The following SRGAP1 variants were observed in gnomAD, a reference collection of about 807,000 sequenced individuals.
The protein encoded by SRGAP1 is SLIT-ROBO Rho GTPase activating protein 1.
SRGAP1 carries 43 observed loss-of-function variants against 121.9 expected under a neutral mutation model. That is an observed-to-expected ratio of 0.35 (90% confidence interval 0.28 to 0.46). The LOEUF is 0.46. SRGAP1 is among the 20% of genes least tolerant of loss of function. The probability of loss-of-function intolerance (pLI) is 1.00; values close to 1 mark genes in which losing one functional copy is unlikely to be tolerated. For synonymous variants in SRGAP1, 447 were observed against 485.4 expected, an observed-to-expected ratio of 0.92 and a Z score of 1.04; for missense variants, 1,102 against 1,350.9, an observed-to-expected ratio of 0.82 and a Z score of 2.89.
intron 1 of SRGAP1, among the ~76,000 whole-genome samples, chr12:63,907,445 G>A (rs1253598652): frequency 6.6e-6 from 1 of 152,076 alleles, no homozygotes; most frequent in Admixed American, 6.5e-5. Flanking sequence ...GGCTGAGGCA[G>A]GGGAATCGCT....
chr12:63,928,753 C>T (rs1473391164), intron 1 of SRGAP1, among the ~76,000 whole-genome samples: 3 of 151,924 alleles, frequency 2.0e-5, no homozygotes, highest in Non-Finnish European at 2.9e-5. Context: ...GTGGGAGCCC[C>T]GAGCTTGTTT....
At chr12:64,012,551 C>CTTTTTTTTTTTTTTTTTTT (rs386376760) in intron 3 of SRGAP1, among the ~76,000 whole-genome samples, 1 of 77,662 alleles carries the variant, frequency 1.3e-5, no homozygotes, top group Non-Finnish European at 2.3e-5. Context: ...AAGTTATTAT[C>CTTTTTTTTTTTTTTTTTTT]TTTTTTTTTT....
At chr12:63,939,504 G>A (rs919945680) in intron 1 of SRGAP1, among the ~76,000 whole-genome samples, 1 of 151,972 alleles carries the variant, frequency 6.6e-6, no homozygotes, top group African/African-American at 2.4e-5. Flanking sequence ...AAAGAAAGGA[G>A]GAGAAAAAAA....
At chr12:64,041,929 C>A (rs376728007) in intron 4 of SRGAP1, among the ~76,000 whole-genome samples, 48 of 130,140 alleles carry the variant, frequency 3.7e-4, no homozygotes, top group African/African-American at 1.3e-3. Context: ...GATGGAGTCT[C>A]ACTTTGTCAC....
chr12:64,103,306 G>A (rs1452285287), intron 15 of SRGAP1, among the ~76,000 whole-genome samples: 8 of 152,092 alleles, frequency 5.3e-5, no homozygotes, highest in East Asian at 3.9e-4. Flanking sequence ...ATTATGCCAC[G>A]CCATACTGGC....
At chr12:64,116,887 G>T (rs895718386) in intron 18 of SRGAP1, among the ~76,000 whole-genome samples, 5 of 152,208 alleles carry the variant, frequency 3.3e-5, no homozygotes, top group African/African-American at 1.2e-4. Context: ...GAAGCATCAG[G>T]AGGCAGAGGG....
chr12:63,939,592 C>T (rs150300701), intron 1 of SRGAP1, among the ~76,000 whole-genome samples: 3 of 152,166 alleles, frequency 2.0e-5, no homozygotes, highest in African/African-American at 7.2e-5. Context: ...TGAGTGGGCC[C>T]CTGGCTTCCT....
intron 1 of SRGAP1, among the ~76,000 whole-genome samples, chr12:63,874,613 A>G (rs995043108): frequency 3.9e-5 from 6 of 152,158 alleles, no homozygotes; most frequent in African/African-American, 1.2e-4. Context: ...ATATATTACA[A>G]TTATTATTTC....
chr12:64,138,469 T>G (rs1349246810), intron 21 of SRGAP1, among the ~76,000 whole-genome samples: 1 of 113,076 alleles, frequency 8.8e-6, no homozygotes, highest in Non-Finnish European at 1.8e-5. Flanking sequence ...TTTTTTTTTT[T>G]GGAGATGGAG....
Position 63,915,689 on chromosome 12 carries a change from T to G in SRGAP1, c.68-68258T>G, listed in dbSNP as rs542678606. ...GCGTCCAGAGAAATTCCTTATTGAT[T>G]AACAACTTCTAGATATGTCTTTCTC... On this transcript the variant is annotated intron_variant, in intron 1 of 21. Transcript: ENST00000355086. Among the ~76,000 whole-genome samples, 12 of 152,298 alleles carry G rather than the reference T, an allele frequency of 7.9e-5. No homozygotes were observed. In the East Asian group the frequency reaches 2.3e-3, roughly 29 times the overall value.
intron 6 of SRGAP1, among the ~76,000 whole-genome samples, chr12:64,047,589 C>T (rs1412005342): frequency 6.6e-6 from 1 of 152,100 alleles, no homozygotes; most frequent in Non-Finnish European, 1.5e-5. Flanking sequence ...AAATTCAAAG[C>T]ATTATAAAGA....
At chr12:64,131,216 G>T (rs775568772) in intron 21 of SRGAP1, among the ~76,000 whole-genome samples, 1 of 152,164 alleles carries the variant, frequency 6.6e-6, no homozygotes, top group Admixed American at 6.5e-5. Context: ...GAGGTCACCC[G>T]TTGGTGAGTA....
At chr12:63,850,640 C>T (rs1345772693) in intron 1 of SRGAP1, among the ~76,000 whole-genome samples, 3 of 148,056 alleles carry the variant, frequency 2.0e-5, no homozygotes, top group Non-Finnish European at 4.5e-5. Context: ...CGCCATGTTG[C>T]CCAGACTGGT....
At chr12:64,006,059 A>G (rs1444302991) in intron 3 of SRGAP1, among the ~76,000 whole-genome samples, 2 of 152,182 alleles carry the variant, frequency 1.3e-5, no homozygotes, top group Non-Finnish European at 2.9e-5. Flanking sequence ...CTGCTCTTAG[A>G]TAGATAGGAC....
At chr12:64,068,206 G>A (rs1256168814) in intron 8 of SRGAP1, among the ~76,000 whole-genome samples, 3 of 147,846 alleles carry the variant, frequency 2.0e-5, no homozygotes, top group African/African-American at 5.0e-5. Flanking sequence ...TTGAACCCGG[G>A]AGATTGCAGT....
intron 3 of SRGAP1, among the ~76,000 whole-genome samples, chr12:64,008,554 GATATAA>G (rs2034157332): frequency 6.6e-6 from 1 of 152,118 alleles, no homozygotes; most frequent in African/African-American, 2.4e-5. Context: ...GTTCCAGAGT[GATATAA>G]ATATAGAGAT....
intron 6 of SRGAP1, among the ~76,000 whole-genome samples, chr12:64,052,830 G>A (rs866667326): frequency 2.6e-5 from 4 of 151,880 alleles, no homozygotes; most frequent in African/African-American, 7.3e-5. Context: ...AATCACTTTC[G>A]TTGTGTATCA....
chr12:64,066,550 A>C (rs1292919875), intron 8 of SRGAP1, among the ~76,000 whole-genome samples: 1 of 152,208 alleles, frequency 6.6e-6, no homozygotes. Context: ...GTTTTGTTTT[A>C]ATCCCACCAA....
chr12:63,856,131 G>C lies in SRGAP1; in HGVS notation c.67+11248G>C, dbSNP rs374424792. Among the ~76,000 whole-genome samples the C allele has an allele frequency of 1.6e-4, 24 of 152,164 alleles. No homozygotes were observed. In the East Asian group the frequency reaches 4.3e-3, roughly 27 times the overall value. On this transcript the variant is annotated intron_variant, in intron 1 of 21. Coordinates refer to ENST00000355086, the MANE Select transcript of SRGAP1 (RefSeq NM_020762.4). The stretch of plus-strand genomic sequence containing the variant: ...AAATTAGCTGGGCATGGTGGCAGGC[G>C]CTGGTAATCCCAGCTCCTTGGGAGG...
Sources: allele counts gnomAD v4.1 joint callset (sites outside exome capture counted in the v4.1 genomes callset), GRCh38; gene constraint gnomAD v4.1.1; transcripts MANE v1.5; gene names NCBI Gene and HGNC (gene_info 2026-07-23, HGNC 2026-07-21).